SULF1: variants seen among roughly 807,000 people sequenced by gnomAD.
SULF1 encodes the protein extracellular sulfatase Sulf-1.
Under a neutral mutation model 110.5 loss-of-function variants are expected in SULF1, and 46 were observed. The ratio of observed to expected loss-of-function variants is 0.42; its 90% confidence interval spans 0.33 to 0.53. The LOEUF is 0.53. Among genes scored for constraint, SULF1 ranks in the 20% least tolerant of loss-of-function variants. The pLI is 0.12. For missense variants in SULF1, 941 were observed against 1,094.2 expected (o/e 0.86, Z 1.98); for synonymous variants, 371 against 387.1 (o/e 0.96, Z 0.49).
chr8:69,497,761 A>T (rs934423336), intron 2 of SULF1, among the ~76,000 whole-genome samples: 1 of 152,164 alleles, frequency 6.6e-6, no homozygotes, highest in Non-Finnish European at 1.5e-5. Context: ...AACAACGGGG[A>T]CAACCAAGAG....
chr8:69,601,972 A>C (rs917011075), intron 10 of SULF1, 143 bp downstream of exon 10: 11 of 801,090 alleles, frequency 1.4e-5, no homozygotes, highest in Admixed American at 9.3e-5. Context: ...GAAGATGAAA[A>C]CCTTTTCCTC....
At chr8:69,600,071 C>G (rs951911565) in intron 8 of SULF1, among the ~76,000 whole-genome samples, 4 of 152,036 alleles carry the variant, frequency 2.6e-5, no homozygotes, top group Non-Finnish European at 5.9e-5. Context: ...GTAATGGCAT[C>G]TATATAAAAA....
intron 6 of SULF1, among the ~76,000 whole-genome samples, chr8:69,580,775 GAAGA>G (rs1806007058): frequency 6.6e-6 from 1 of 152,090 alleles, no homozygotes; most frequent in Admixed American, 6.6e-5. Flanking sequence ...ATATTTTTGT[GAAGA>G]ATTCTTTTGT....
chr8:69,559,920 A>G (rs1256968409), intron 3 of SULF1, among the ~76,000 whole-genome samples: 2 of 152,170 alleles, frequency 1.3e-5, no homozygotes, highest in Admixed American at 6.5e-5. Context: ...TGTTTTTACT[A>G]TATGTGAAGC....
intron 19 of SULF1, among the ~76,000 whole-genome samples, chr8:69,635,213 A>C (rs915282876): frequency 6.6e-6 from 1 of 152,260 alleles, no homozygotes; most frequent in Non-Finnish European, 1.5e-5. Flanking sequence ...TATGTGATAC[A>C]ACAATGGCAG....
intron 3 of SULF1, among the ~76,000 whole-genome samples, chr8:69,533,623 T>G (rs1399551456): frequency 6.6e-6 from 1 of 152,270 alleles, no homozygotes; most frequent in Non-Finnish European, 1.5e-5. Flanking sequence ...ATGGTGTATA[T>G]GTACCATATT....
chr8:69,574,407 C>T lies in SULF1; in HGVS notation c.173-1563C>T, dbSNP rs368912175. On this transcript the variant is annotated intron_variant, in intron 5 of 22. Transcript: ENST00000402687. Reference sequence around the variant, plus strand: ...GCAATCCCCCAATGATATACTTCACCCATCCGACATTTACTTCCTCCTTTT... The same window carrying T: ...GCAATCCCCCAATGATATACTTCACTCATCCGACATTTACTTCCTCCTTTT... Among the ~76,000 whole-genome samples, 3 of 152,290 alleles carry T rather than the reference C, an allele frequency of 2.0e-5. 1 individual carries two copies.
At chr8:69,639,919 C>A (rs987192566) in intron 21 of SULF1, among the ~76,000 whole-genome samples, 1 of 152,148 alleles carries the variant, frequency 6.6e-6, no homozygotes, top group East Asian at 1.9e-4. Flanking sequence ...AGTTCTCAAT[C>A]AACACCTCTC....
chr8:69,620,539 C>A (rs1456351524), intron 13 of SULF1, among the ~76,000 whole-genome samples: 1 of 152,188 alleles, frequency 6.6e-6, no homozygotes, highest in Middle Eastern at 3.2e-3. Flanking sequence ...TGAGAGTTGG[C>A]TCGCCCCATG....
rs758430200 is a variant in SULF1 at position 69,586,551 on chromosome 8, C to A, written c.564+43C>A. On this transcript the variant is annotated intron_variant, in intron 7 of 22. Coordinates refer to ENST00000402687, the MANE Select transcript of SULF1 (RefSeq NM_001128205.2). ...TTACACTGCATCAATTTACTTTGTG[C>A]ATAATGGGGAAAAGCCATTTTCAGT... 4.4e-6 allele frequency: 7 copies of A among 1,584,100 alleles called. No individual in the cohort carries two copies. The African/African-American group carries it at 8.1e-5, about 18-fold the overall frequency.
At chr8:69,616,626 T>C (rs1043506429) in intron 13 of SULF1, among the ~76,000 whole-genome samples, 2 of 151,558 alleles carry the variant, frequency 1.3e-5, no homozygotes, top group Non-Finnish European at 1.5e-5. Context: ...GGTCTTGAAC[T>C]CCTGTCCTCA....
intron 5 of SULF1, among the ~76,000 whole-genome samples, chr8:69,572,968 C>G (rs1309325692): frequency 6.6e-6 from 1 of 152,192 alleles, no homozygotes; most frequent in Admixed American, 6.5e-5. Flanking sequence ...GCTGGGTCTA[C>G]AGGCGCATGC....
intron 5 of SULF1, among the ~76,000 whole-genome samples, chr8:69,567,735 C>T (rs1422043515): frequency 1.3e-5 from 2 of 152,072 alleles, no homozygotes; most frequent in East Asian, 1.9e-4. Flanking sequence ...CCCATTCATC[C>T]ACTGTTGGAA....
chr8:69,521,953 A>G lies in SULF1; in HGVS notation c.-134+19985A>G, dbSNP rs189606927. On this transcript the variant is annotated intron_variant, in intron 3 of 22. Transcript: ENST00000402687. The stretch of plus-strand genomic sequence containing the variant: ...AGTCAGATGCTAGCTATTTTTTTGA[A>G]GATAGAGCCAACAGTATTGCCTAAT... Among the ~76,000 whole-genome samples the G allele has an allele frequency of 2.9e-3, 448 of 152,142 alleles. 1 individual carries two copies. The highest frequency in any genetic ancestry group is 0.01 in the African/African-American group (434 of 41,520).
At chr8:69,555,138 A>T (rs1234028007) in intron 3 of SULF1, among the ~76,000 whole-genome samples, 2 of 152,050 alleles carry the variant, frequency 1.3e-5, no homozygotes, top group African/African-American at 4.8e-5. Context: ...TGAAAAAAAA[A>T]TACAGCTAAT....
chr8:69,518,282 A>G (rs72622837), intron 3 of SULF1, among the ~76,000 whole-genome samples: 31,448 of 152,030 alleles, frequency 0.21, 3,906 homozygotes, highest in East Asian at 0.63. Context: ...TTATCTCTTC[A>G]TTATGTTCAC....
At chr8:69,535,586 G>C (rs1813380212) in intron 3 of SULF1, among the ~76,000 whole-genome samples, 1 of 152,174 alleles carries the variant, frequency 6.6e-6, no homozygotes, top group Admixed American at 6.5e-5. Flanking sequence ...TCTAGCGTTA[G>C]GATGTAAGGA....
intron 3 of SULF1, among the ~76,000 whole-genome samples, chr8:69,517,492 A>T (rs1812006217): frequency 6.6e-6 from 1 of 152,174 alleles, no homozygotes; most frequent in African/African-American, 2.4e-5. Context: ...TTTAGGAACC[A>T]GGAAGTAAGG....
intron 3 of SULF1, among the ~76,000 whole-genome samples, chr8:69,545,500 C>T (rs1190497602): frequency 6.6e-6 from 1 of 152,142 alleles, no homozygotes; most frequent in Non-Finnish European, 1.5e-5. Flanking sequence ...GAACATTAGC[C>T]ACTAGGGACC....
Sources: gnomAD v4.1 joint callset for allele counts (sites outside exome capture counted in the v4.1 genomes callset) on GRCh38, gnomAD v4.1.1 for gene constraint, MANE v1.5 for transcripts, NCBI Gene and HGNC (gene_info 2026-07-23, HGNC 2026-07-21) for gene names.